The following EMC4 variants were observed in gnomAD, a reference collection of about 807,000 sequenced individuals.
EMC4 encodes ER membrane protein complex subunit 4, also known as cell proliferation-inducing gene 17 protein.
EMC4 carries 9 observed loss-of-function variants against 24.2 expected under a neutral mutation model. That is an observed-to-expected ratio of 0.37 (90% CI 0.22 to 0.65). The LOEUF (loss-of-function observed/expected upper bound fraction) is 0.65. Ranked by LOEUF, EMC4 falls within the 30% of genes least tolerant of loss-of-function variation. EMC4 has a pLI of 0.59. For missense variants in EMC4, 169 were observed against 234.6 expected (o/e 0.72, Z 1.83); for synonymous variants, 86 against 81.1 (o/e 1.06, Z -0.32).
chr15:34,228,307 C>T, intron 3 of EMC4, 122 bp from the exon 4 acceptor site: 2 of 1,020,820 alleles, frequency 2.0e-6, no homozygotes, highest in Non-Finnish European at 2.9e-6. Context: ...TTCTGTTTGC[C>T]TTTAATGGTC....
chr15:34,228,236 G>T (rs190196457), intron 3 of EMC4, 193 bp from the exon 4 acceptor site: 39 of 600,554 alleles, frequency 6.5e-5, no homozygotes, highest in Non-Finnish European at 9.9e-5. Flanking sequence ...TGGCTAACAG[G>T]TATATAGGGG....
intron 2 of EMC4, 55 bp downstream of exon 2, chr15:34,225,705 C>T: frequency 7.6e-7 from 1 of 1,316,392 alleles, no homozygotes; most frequent in Non-Finnish European, 1.1e-6. Flanking sequence ...GTTACACACT[C>T]ATCCTCTTCT....
At chr15:34,228,047 G>A (rs1595381878) in intron 3 of EMC4, 4 of 508,868 alleles carry the variant, frequency 7.9e-6, no homozygotes, top group Admixed American at 6.4e-5. Flanking sequence ...GCTGGGCGTG[G>A]TGGCACACGC....
chr15:34,229,492 C>A, intron 4 of EMC4: 1 of 370,874 alleles, frequency 2.7e-6, no homozygotes, highest in Non-Finnish European at 4.9e-6. Context: ...ACCCCAATGG[C>A]TCGCTAATTT....
At chr15:34,227,491 C>T (rs542305830) in intron 2 of EMC4, 1 of 493,142 alleles carries the variant, frequency 2.0e-6, no homozygotes, top group African/African-American at 1.9e-5. Flanking sequence ...AAAGGCATAA[C>T]AGATGGTAAG....
At chr15:34,225,297 G>A (rs1890620125) in intron 1 of EMC4, 97 bp downstream of exon 1, 1 of 1,109,180 alleles carries the variant, frequency 9.0e-7, no homozygotes, top group African/African-American at 1.6e-5. Context: ...AAAAAGATGG[G>A]TGGCACACAG....
Position 34,230,121 on chromosome 15 carries a change from A to G in EMC4, c.*333A>G. On this transcript the variant is annotated 3_prime_UTR_variant, in exon 5 of 5. Coordinates refer to ENST00000267750, the MANE Select transcript of EMC4 (RefSeq NM_016454.4). Reference sequence around the variant, plus strand: ...AAGAACTGTTGCAGCATCTCCTTTCAATAAATTAAATGGTTGAGAACAATG... The same window carrying G: ...AAGAACTGTTGCAGCATCTCCTTTCGATAAATTAAATGGTTGAGAACAATG... The G allele has an allele frequency of 3.3e-6, 1 of 302,634 alleles. No individual in the cohort carries two copies. The highest frequency in any genetic ancestry group is 6.0e-6 in the Non-Finnish European group (1 of 165,684). 18.7% of individuals were successfully genotyped at this position (302,634 alleles called of 1,614,324 possible). A position where few individuals can be genotyped will look rare whatever the true frequency, so the allele number is the denominator to read the frequency against.
intron 1 of EMC4, 34 bp downstream of exon 1, chr15:34,225,234 C>A: frequency 1.3e-6 from 2 of 1,483,548 alleles, no homozygotes; most frequent in South Asian, 1.3e-5. Flanking sequence ...CATCACTGTT[C>A]ATCCCAGAAC....
In EMC4 at chr15:34,225,146, G is replaced by T; in HGVS notation, c.32G>T (p.Arg11Leu). The T allele has an allele frequency of 6.4e-7, 1 of 1,551,658 alleles. No homozygotes were observed. The highest frequency in any genetic ancestry group is 2.4e-5 in the East Asian group (1 of 40,916). The part of the protein sequence containing the change: MTAQGGLVAN[R>L]GRRFKWAIEL... ...GCCCAGGGGGGCCTGGTGGCTAACC[G>T]AGGCCGGCGCTTCAAGTGGGCCATT... is the stretch of plus-strand genomic sequence containing the variant. Residue 11 changes from arginine to leucine, a missense_variant, in exon 1 of 5, where the codon CGA becomes CTA. By Grantham distance (102) the Arg-to-Leu change is moderately radical (BLOSUM62 -2). Coordinates refer to ENST00000267750, the MANE Select transcript of EMC4 (RefSeq NM_016454.4).
intron 2 of EMC4, 44 bp from the exon 3 acceptor site, chr15:34,227,649 T>G (rs1355227120): frequency 6.3e-7 from 1 of 1,593,126 alleles, no homozygotes; most frequent in South Asian, 1.1e-5. Context: ...AATGTGGGAC[T>G]AAGGGTAGTG....
rs752656560 is a variant in EMC4 at position 34,225,173 on chromosome 15, A to G, written c.59A>G (p.Glu20Gly). The G allele has an allele frequency of 5.8e-6, 9 of 1,551,390 alleles. No individual in the cohort carries two copies. The South Asian group carries it at 1.1e-4, about 18-fold the overall frequency. The change falls in exon 1 of 5, where the codon GAG becomes GGG. Residue 20 changes from glutamate to glycine, a missense_variant. Physicochemically the swap from Glu to Gly is moderately conservative, Grantham distance 98 (BLOSUM62 -2). Transcript: ENST00000267750. ...GGCCGGCGCTTCAAGTGGGCCATTGAGCTAAGCGGGCCTGGAGGAGGCAGC... is the reference window on the plus strand; with the variant it reads ...GGCCGGCGCTTCAAGTGGGCCATTGGGCTAAGCGGGCCTGGAGGAGGCAGC... ...NRGRRFKWAIELSGPGGGSRG... is the reference protein window; with the variant it reads ...NRGRRFKWAIGLSGPGGGSRG...
intron 4 of EMC4, 178 bp downstream of exon 4, chr15:34,228,767 C>T: frequency 2.1e-6 from 1 of 466,356 alleles, no homozygotes; most frequent in South Asian, 3.1e-5. Context: ...TCTCGGCAAC[C>T]TCCGCCTCCT....
rs570454252 is a variant in EMC4, at chr15:34,229,806, C to T, written c.*18C>T. 1.2e-6 allele frequency: 2 copies of T among 1,612,494 alleles called. No homozygotes were observed. On this transcript the variant is annotated 3_prime_UTR_variant, in exon 5 of 5. Coordinates refer to ENST00000267750, the MANE Select transcript of EMC4 (RefSeq NM_016454.4). Reference sequence around the variant, plus strand: ...TTTTGTGAACATGAGAAAGCAGCGCCTGGTCCCTATGTATTTGGGTCTTAT... The same window carrying T: ...TTTTGTGAACATGAGAAAGCAGCGCTTGGTCCCTATGTATTTGGGTCTTAT...
chr15:34,228,602 A>C lies in EMC4; in HGVS notation c.516+13A>C, dbSNP rs1458288324. The C allele has an allele frequency of 1.2e-6, 2 of 1,606,418 alleles. No individual in the cohort carries two copies. The highest frequency in any genetic ancestry group is 1.7e-5 in the Admixed American group (1 of 57,816). ...TGAGCCCCCTGAGGTAAGGCAAAAG[A>C]AAAGCTGAATTTTGGGTAGTTGTAG... On this transcript the variant is annotated intron_variant, in intron 4 of 4. Coordinates refer to ENST00000267750, the MANE Select transcript of EMC4 (RefSeq NM_016454.4).
chr15:34,228,809 C>G (rs1273471107), intron 4 of EMC4: 1 of 338,896 alleles, frequency 3.0e-6, no homozygotes, highest in South Asian at 4.3e-5. Context: ...CTCAGCCTTC[C>G]AAGTAGCTGG....
rs574890844 is a variant in EMC4, at chr15:34,227,945, C to T, written c.355+99C>T. 390 of 1,300,050 alleles carry T rather than the reference C, an allele frequency of 3.0e-4. 1 individual carries two copies. Among genetic ancestry groups the T allele is most frequent in the African/African-American group, 3.0e-3 (206 of 69,024 alleles). 80.5% of individuals were successfully genotyped at this position (1,300,050 alleles called of 1,614,324 possible). On this transcript the variant is annotated intron_variant, in intron 3 of 4. Coordinates refer to ENST00000267750, the MANE Select transcript of EMC4 (RefSeq NM_016454.4). ...CCTGTAATCCCAGCACTTTGGGAGGCGCCAAGCTGGGTGGATCATCTGAGG... is the reference window on the plus strand; with the variant it reads ...CCTGTAATCCCAGCACTTTGGGAGGTGCCAAGCTGGGTGGATCATCTGAGG...
Position 34,229,892 on chromosome 15 carries a change from A to T in EMC4, c.*104A>T. 9.3e-7 allele frequency: 1 copy of T among 1,070,910 alleles called. No homozygotes were observed. The highest frequency in any genetic ancestry group is 1.3e-5 in the South Asian group (1 of 77,814). 66.3% of individuals were successfully genotyped at this position (1,070,910 alleles called of 1,614,324 possible). On this transcript the variant is annotated 3_prime_UTR_variant, in exon 5 of 5. Transcript: ENST00000267750. ...TACTCTTAAACTAATCACTTATGTT[A>T]AAAAGAACCAAAAGACTCTTTTCTC...
chr15:34,228,640 A>T, intron 4 of EMC4, 51 bp downstream of exon 4: 1 of 1,379,402 alleles, frequency 7.2e-7, no homozygotes, highest in Non-Finnish European at 9.9e-7. Context: ...TACAGTGAAT[A>T]GCTGACCTAC....
At position 34,225,533 on chromosome 15, in the gene EMC4, T is replaced by TAAAAACCA; in HGVS notation, c.87-2_87-1insAAAACCAA. 6.2e-7 allele frequency: 1 copy of TAAAAACCA among 1,612,910 alleles called. No individual in the cohort carries two copies. Among genetic ancestry groups the TAAAAACCA allele is most frequent in the South Asian group, 1.1e-5 (1 of 91,054 alleles). ...GCTTTAGTTTCTTGGTTTGGTTTTT[T>TAAAAACCA]AGGGGTCGAAGTGACCGGGGCAGTG... On this transcript the variant is annotated splice_region_variant and splice_polypyrimidine_tract_variant and intron_variant, in intron 1 of 4. Transcript: ENST00000267750.
Sources: gnomAD v4.1 joint callset for allele counts on GRCh38, gnomAD v4.1.1 for gene constraint, MANE v1.5 for transcripts, NCBI Gene and HGNC (gene_info 2026-07-23, HGNC 2026-07-21) for gene names.